SPEF2: variants seen among roughly 807,000 people sequenced by gnomAD.
The protein encoded by SPEF2 is sperm flagellar and cilia associated 2, also known as sperm flagella and cilia-associated protein 2.
A neutral mutation model predicts 224.6 loss-of-function variants in SPEF2; 187 were observed. The ratio of observed to expected loss-of-function variants is 0.83; its 90% confidence interval spans 0.74 to 0.94. SPEF2 has a LOEUF of 0.94. Ranked by LOEUF, SPEF2 falls within the 40% of genes least tolerant of loss-of-function variation. SPEF2 has a pLI of 0.00. For synonymous variants in SPEF2, 715 were observed against 707.3 expected (o/e 1.01, Z -0.17); for missense variants, 2,170 against 2,135.6 (o/e 1.02, Z -0.32).
At chr5:35,797,340 G>C (rs1037524056) in intron 33 of SPEF2, among the ~76,000 whole-genome samples, 9 of 151,986 alleles carry the variant, frequency 5.9e-5, no homozygotes, top group Admixed American at 2.6e-4. Flanking sequence ...GTGTGTGTGT[G>C]TGTGTGTGTG....
chr5:35,618,676 A>C (rs529828924), intron 1 of SPEF2, among the ~76,000 whole-genome samples: 1 of 152,128 alleles, frequency 6.6e-6, no homozygotes, highest in African/African-American at 2.4e-5. Context: ...CCCAAATCAC[A>C]AACTAGCTAT....
In SPEF2 at chr5:35,634,723, C is replaced by T. The variant is rs384880; in HGVS notation, c.161+6161C>T. Reference sequence around the variant, plus strand: ...TTATTATAGAACAGTTTTAGATTTACAGAAAAATCATTGACATAATACAGA... The same window carrying T: ...TTATTATAGAACAGTTTTAGATTTATAGAAAAATCATTGACATAATACAGA... On this transcript the variant is annotated intron_variant, in intron 2 of 36. Transcript: ENST00000356031. 5.9e-3 allele frequency among the ~76,000 whole-genome samples: 894 copies of T among 152,124 alleles called. 16 individuals carry two copies. Among genetic ancestry groups the T allele is most frequent in the African/African-American group, 0.02 (851 of 41,546 alleles).
intron 30 of SPEF2, among the ~76,000 whole-genome samples, chr5:35,783,926 T>C (rs1754710317): frequency 6.6e-6 from 1 of 152,188 alleles, no homozygotes; most frequent in African/African-American, 2.4e-5. Flanking sequence ...AGCCCATCGG[T>C]ACTCAATGAA....
chr5:35,709,149 G>C, intron 19 of SPEF2, 28 bp downstream of exon 19: 1 of 1,597,436 alleles, frequency 6.3e-7, no homozygotes, highest in Non-Finnish European at 8.5e-7. Context: ...TTATAATCCT[G>C]TTTTCAGTTT....
At chr5:35,704,945 A>C (rs1739448366) in intron 17 of SPEF2, among the ~76,000 whole-genome samples, 1 of 152,132 alleles carries the variant, frequency 6.6e-6, no homozygotes, top group African/African-American at 2.4e-5. Context: ...ATCCTGATTC[A>C]GCACTCATTA....
Position 35,670,237 on chromosome 5 carries a change from G to C in SPEF2, c.1524+10G>C, listed in dbSNP as rs1199968519. The C allele has an allele frequency of 6.3e-7, 1 of 1,580,238 alleles. No individual in the cohort carries two copies. Among genetic ancestry groups the C allele is most frequent in the Non-Finnish European group, 8.6e-7 (1 of 1,167,106 alleles). ...TTATGAAGAATATAAGGTACCTACT[G>C]ATATGAAATAATTAGAATGCTACAT... On this transcript the variant is annotated intron_variant, in intron 10 of 36. Coordinates refer to ENST00000356031, the MANE Select transcript of SPEF2 (RefSeq NM_024867.4).
intron 10 of SPEF2, among the ~76,000 whole-genome samples, chr5:35,677,020 CCTCTTT>C (rs1484561560): frequency 6.6e-6 from 1 of 152,016 alleles, no homozygotes; most frequent in Non-Finnish European, 1.5e-5. Flanking sequence ...GTGGCTTATA[CCTCTTT>C]GAGGTATCAA....
Position 35,814,560 on chromosome 5 carries a change from A to G in SPEF2, c.*7A>G. ...TACAGAGGAAAAGAAATGAAGACAAAAGAGTGTGATTTTTTTAATTCTGCA... is the reference window on the plus strand; with the variant it reads ...TACAGAGGAAAAGAAATGAAGACAAGAGAGTGTGATTTTTTTAATTCTGCA... On this transcript the variant is annotated 3_prime_UTR_variant, in exon 37 of 37. Transcript: ENST00000356031. 1 of 1,570,668 alleles carries G rather than the reference A, an allele frequency of 6.4e-7. No individual in the cohort carries two copies. The highest frequency in any genetic ancestry group is 8.7e-7 in the Non-Finnish European group (1 of 1,152,970).
chr5:35,659,678 G>T (rs956773357), intron 8 of SPEF2, among the ~76,000 whole-genome samples: 1 of 152,044 alleles, frequency 6.6e-6, no homozygotes, highest in African/African-American at 2.4e-5. Flanking sequence ...AGTATGAAGT[G>T]TGCTGCCAAA....
intron 10 of SPEF2, among the ~76,000 whole-genome samples, chr5:35,671,804 G>A (rs1007670289): frequency 6.6e-6 from 1 of 151,762 alleles, no homozygotes; most frequent in Non-Finnish European, 1.5e-5. Flanking sequence ...GTAAACTTTT[G>A]TTAGGAGTTT....
intron 16 of SPEF2, among the ~76,000 whole-genome samples, chr5:35,701,477 C>T (rs375795432): frequency 3.3e-5 from 5 of 152,006 alleles, no homozygotes; most frequent in Non-Finnish European, 4.4e-5. Context: ...TGATAATAAG[C>T]GTGTGGTAAA....
intron 20 of SPEF2, among the ~76,000 whole-genome samples, chr5:35,714,217 T>A (rs1742021875): frequency 6.6e-6 from 1 of 151,054 alleles, no homozygotes; most frequent in Non-Finnish European, 1.5e-5. Flanking sequence ...TTAATTCTTA[T>A]GACTTGTTTG....
chr5:35,702,272 A>G (rs756847069), intron 16 of SPEF2: 3 of 456,080 alleles, frequency 6.6e-6, no homozygotes, highest in Admixed American at 4.7e-5. Context: ...GAAACACACT[A>G]CATCCAAAGC....
intron 34 of SPEF2, among the ~76,000 whole-genome samples, chr5:35,801,438 G>T (rs1046919494): frequency 2.6e-5 from 4 of 152,002 alleles, no homozygotes; most frequent in African/African-American, 9.7e-5. Context: ...ACTTGAACCT[G>T]GGAGGCAGAG....
At chr5:35,696,393 A>G (rs1755322072) in intron 14 of SPEF2, among the ~76,000 whole-genome samples, 1 of 152,254 alleles carries the variant, frequency 6.6e-6, no homozygotes, top group Non-Finnish European at 1.5e-5. Flanking sequence ...TTGGAAGGAT[A>G]TACACCAAAC....
chr5:35,814,500 C>T lies in SPEF2; in HGVS notation c.5416C>T (p.Gln1806Ter). The change falls in exon 37 of 37, where the codon CAA becomes TAA. Residue 1806 changes from glutamine (Q) to a stop codon, truncating the protein, a stop_gained. Transcript: ENST00000356031. LOFTEE classifies it high-confidence loss of function. Reference protein sequence around the residue: ...KIILQRSEHVQGSDGERSPSR... With the variant: ...KIILQRSEHV Reference sequence around the variant, plus strand: ...AATTCTCCAAAGGAGTGAACATGTACAAGGAAGTGATGGAGAGAGATCACC... The same window carrying T: ...AATTCTCCAAAGGAGTGAACATGTATAAGGAAGTGATGGAGAGAGATCACC... 6.2e-7 allele frequency: 1 copy of T among 1,608,340 alleles called. No homozygotes were observed. The highest frequency in any genetic ancestry group is 8.5e-7 in the Non-Finnish European group (1 of 1,176,746).
intron 21 of SPEF2, among the ~76,000 whole-genome samples, chr5:35,728,308 A>G (rs1042883135): frequency 1.3e-5 from 2 of 152,224 alleles, no homozygotes; most frequent in African/African-American, 4.8e-5. Flanking sequence ...ATGCTGGTGT[A>G]AGGCAAGGAG....
chr5:35,780,262 A>T (rs139248979), intron 30 of SPEF2, among the ~76,000 whole-genome samples: 126 of 152,304 alleles, frequency 8.3e-4, no homozygotes, highest in Admixed American at 2.3e-3. Flanking sequence ...GTTACTTTTT[A>T]AAAAAGTCCA....
intron 28 of SPEF2, among the ~76,000 whole-genome samples, chr5:35,775,647 A>G (rs1753509877): frequency 1.3e-5 from 2 of 152,078 alleles, no homozygotes. Context: ...ATTACTCTGG[A>G]TAGTGTGGAG....
Sources: gnomAD v4.1 joint callset for allele counts (sites outside exome capture counted in the v4.1 genomes callset) on GRCh38, gnomAD v4.1.1 for gene constraint, MANE v1.5 for transcripts, NCBI Gene and HGNC (gene_info 2026-07-23, HGNC 2026-07-21) for gene names.